The following RSU1 variants were observed in gnomAD, a reference collection of about 807,000 sequenced individuals.
The protein encoded by RSU1 is rsu-1.
A neutral mutation model predicts 31.1 loss-of-function variants in RSU1; 26 were observed. That is an observed-to-expected ratio of 0.84 (90% CI 0.61 to 1.16). The LOEUF (loss-of-function observed/expected upper bound fraction) is 1.16, where lower values mean the gene tolerates loss of function less well. Ranked by LOEUF, RSU1 falls within the 50% of genes most tolerant of loss-of-function variation. The pLI, the probability that RSU1 is intolerant of heterozygous loss-of-function variation, is 0.00. For missense variants in RSU1, 320 were observed against 339.1 expected, an observed-to-expected ratio of 0.94 and a Z score of 0.44; for synonymous variants, 164 against 136.3, an observed-to-expected ratio of 1.20 and a Z score of -1.41.
intron 7 of RSU1, among the ~76,000 whole-genome samples, chr10:16,708,825 T>C (rs1471893786): frequency 6.6e-6 from 1 of 151,948 alleles, no homozygotes; most frequent in Non-Finnish European, 1.5e-5. Context: ...CTTTTTTTTT[T>C]TAAGCTATCG....
intron 7 of RSU1, chr10:16,727,052 T>C (rs1384676612): frequency 2.2e-6 from 1 of 455,802 alleles, no homozygotes; most frequent in Non-Finnish European, 4.4e-6. Context: ...GAGGGAAGAG[T>C]TTCAAGGAAC....
chr10:16,814,695 G>GCAAATCTC (rs1270201700), intron 2 of RSU1, among the ~76,000 whole-genome samples: 3 of 152,088 alleles, frequency 2.0e-5, no homozygotes, highest in Non-Finnish European at 4.4e-5. Context: ...GATGGAATCT[G>GCAAATCTC]CAAATCTCCA....
chr10:16,815,413 T>C (rs999514790), intron 2 of RSU1, among the ~76,000 whole-genome samples: 5 of 152,226 alleles, frequency 3.3e-5, no homozygotes, highest in African/African-American at 1.2e-4. Flanking sequence ...ACAGTAAACC[T>C]GACTCTGCAG....
intron 2 of RSU1, among the ~76,000 whole-genome samples, chr10:16,815,735 C>T (rs79979114): frequency 0.042 from 6,397 of 152,222 alleles, 439 homozygotes; most frequent in African/African-American, 0.14. Flanking sequence ...GCAATACACA[C>T]GACCACCTTC....
intron 7 of RSU1, among the ~76,000 whole-genome samples, chr10:16,723,838 A>T (rs1836330520): frequency 6.6e-6 from 1 of 152,234 alleles, no homozygotes; most frequent in Non-Finnish European, 1.5e-5. Context: ...ACCCGTGCAG[A>T]GATATACCAA....
At chr10:16,687,777 T>A (rs1835465752) in intron 8 of RSU1, among the ~76,000 whole-genome samples, 1 of 152,164 alleles carries the variant, frequency 6.6e-6, no homozygotes, top group Admixed American at 6.5e-5. Context: ...TGGAGTTCAG[T>A]GGTGTGATCT....
At chr10:16,677,416 C>T (rs961238403) in intron 8 of RSU1, among the ~76,000 whole-genome samples, 10 of 151,488 alleles carry the variant, frequency 6.6e-5, no homozygotes, top group Non-Finnish European at 1.5e-4. Context: ...CTGTATCACA[C>T]ACTAATCTAC....
intron 8 of RSU1, among the ~76,000 whole-genome samples, chr10:16,683,913 T>G (rs1452327893): frequency 1.3e-5 from 2 of 152,230 alleles, no homozygotes; most frequent in Non-Finnish European, 2.9e-5. Context: ...TTTAAACATT[T>G]TCTGGTTGAC....
At chr10:16,732,267 A>G (rs1168394296) in intron 7 of RSU1, among the ~76,000 whole-genome samples, 2 of 152,220 alleles carry the variant, frequency 1.3e-5, no homozygotes, top group African/African-American at 4.8e-5. Context: ...GCTATGTGCC[A>G]GCTAAAATCT....
At chr10:16,693,232 C>T (rs541264008) in intron 8 of RSU1, among the ~76,000 whole-genome samples, 1 of 152,274 alleles carries the variant, frequency 6.6e-6, no homozygotes, top group South Asian at 2.1e-4. Flanking sequence ...GGGTTGCAGG[C>T]GTGAGCCACC....
In RSU1 at chr10:16,782,087, AAAAAG is replaced by A. The variant is rs772367727; in HGVS notation, c.110-8_110-4del. ...TTGTGTGATATGGGATAAGGTAACT[AAAAAG>A]AAAAGAAAAAAAAAAAGGTCAGTCA... On this transcript the variant is annotated splice_region_variant and splice_polypyrimidine_tract_variant and intron_variant, in intron 2 of 8. Transcript: ENST00000345264. The A allele has an allele frequency of 7.4e-6, 12 of 1,611,108 alleles. No homozygotes were observed. The highest frequency in any genetic ancestry group is 2.2e-5 in the South Asian group (2 of 90,502).
At chr10:16,667,905 C>G (rs774514622) in intron 8 of RSU1, among the ~76,000 whole-genome samples, 12 of 152,034 alleles carry the variant, frequency 7.9e-5, no homozygotes, top group Non-Finnish European at 1.8e-4. Context: ...GTAATCTGAG[C>G]CTAAAAGTTA....
chr10:16,669,366 T>C (rs1226029303), intron 8 of RSU1, among the ~76,000 whole-genome samples: 1 of 146,806 alleles, frequency 6.8e-6, no homozygotes, highest in Admixed American at 6.7e-5. Flanking sequence ...ACATTTTCTG[T>C]TTTTTTTCCC....
chr10:16,693,653 G>A (rs1017342532), intron 8 of RSU1, among the ~76,000 whole-genome samples: 1 of 151,876 alleles, frequency 6.6e-6, no homozygotes, highest in Non-Finnish European at 1.5e-5. Context: ...TTGACACCAG[G>A]AGTTTGAGAC....
Position 16,620,778 on chromosome 10 carries a change from G to A in RSU1, c.732-27282C>T, listed in dbSNP as rs548870521. Among the ~76,000 whole-genome samples the A allele has an allele frequency of 1.9e-3, 282 of 151,792 alleles. 2 individuals are homozygous for A. Among genetic ancestry groups the A allele is most frequent in the African/African-American group, 6.6e-3 (275 of 41,384 alleles). On this transcript the variant is annotated intron_variant, in intron 8 of 8. Transcript: ENST00000345264. ...GAGAATGGTGTGAACCCAGGAGGCG[G>A]AGCTTGCAGTCAGCTGAGATCGCGC... is the stretch of plus-strand genomic sequence containing the variant.
At chr10:16,674,335 C>G (rs576026706) in intron 8 of RSU1, among the ~76,000 whole-genome samples, 4 of 150,984 alleles carry the variant, frequency 2.6e-5, no homozygotes, top group African/African-American at 7.3e-5. Context: ...AATATGAAAT[C>G]TGAGCAACTC....
intron 8 of RSU1, among the ~76,000 whole-genome samples, chr10:16,628,503 T>G (rs1834195900): frequency 6.6e-6 from 1 of 152,220 alleles, no homozygotes; most frequent in Admixed American, 6.5e-5. Context: ...GAAAGTGAGG[T>G]GTCAAGTTCA....
intron 8 of RSU1, among the ~76,000 whole-genome samples, chr10:16,670,892 G>A (rs895920436): frequency 6.6e-6 from 1 of 152,036 alleles, no homozygotes; most frequent in Non-Finnish European, 1.5e-5. Flanking sequence ...AGCCTCCCCA[G>A]TAGCTGGGAT....
chr10:16,695,157 T>A lies in RSU1; in HGVS notation c.599-2A>T. 1 of 1,202,572 alleles carries A rather than the reference T, an allele frequency of 8.3e-7. No individual in the cohort carries two copies. Among genetic ancestry groups the A allele is most frequent in the Non-Finnish European group, 1.1e-6 (1 of 890,704 alleles). 74.5% of individuals were successfully genotyped at this position (1,202,572 alleles called of 1,614,324 possible). ...TCTGGCCAGTTAAATCCAAGTTTCC[T>A]GGGGGGGGGGAAAAAAAAAGTGAAG... On this transcript the variant is annotated splice_acceptor_variant, in intron 7 of 8. Transcript: ENST00000345264. LOFTEE classifies it high-confidence loss of function.
Sources: gnomAD v4.1 joint callset for allele counts (sites outside exome capture counted in the v4.1 genomes callset) on GRCh38, gnomAD v4.1.1 for gene constraint, MANE v1.5 for transcripts, NCBI Gene and HGNC (gene_info 2026-07-23, HGNC 2026-07-21) for gene names.